The following ZNF469 variants were observed in gnomAD, a reference collection of about 807,000 sequenced individuals.
The protein encoded by ZNF469 is zinc finger protein 469.
In ZNF469, 1 loss-of-function variant was observed where a neutral mutation model predicts 1.0. The ratio of observed to expected loss-of-function variants is 1.00; its 90% CI spans 0.35 to 4.73. The LOEUF is 4.73. ZNF469 is among the 30% of genes most tolerant of loss of function. The pLI is 0.16. For missense variants in ZNF469, 6,100 were observed against 5,356.3 expected, an observed-to-expected ratio of 1.14 and a Z score of -4.33; for synonymous variants, 2,703 against 2,363.4, an observed-to-expected ratio of 1.14 and a Z score of -4.17.
chr16:88,185,776 ACT>A, the ZNF469 span, among the ~76,000 whole-genome samples: 1 of 137,836 alleles, frequency 7.3e-6, no homozygotes, highest in African/African-American at 2.8e-5. Context: ...ACATTCGCAC[ACT>A]CACACATGTG....
At chr16:88,230,298 G>C in the ZNF469 span, among the ~76,000 whole-genome samples, 1 of 152,272 alleles carries the variant, frequency 6.6e-6, no homozygotes, top group Non-Finnish European at 1.5e-5. Context: ...GCCGTCTGCT[G>C]TCTGCTTCAG....
the ZNF469 span, among the ~76,000 whole-genome samples, chr16:88,310,420 C>T: frequency 1.3e-4 from 13 of 100,584 alleles, no homozygotes; most frequent in Non-Finnish European, 3.3e-4. Context: ...TCACAAGTCA[C>T]ACATCTAACA....
the ZNF469 span, among the ~76,000 whole-genome samples, chr16:88,267,854 C>T: frequency 6.6e-6 from 1 of 152,174 alleles, no homozygotes; most frequent in African/African-American, 2.4e-5. Flanking sequence ...CACATAGATT[C>T]CTTGGGGTGG....
the ZNF469 span, among the ~76,000 whole-genome samples, chr16:88,296,070 G>C: frequency 6.6e-6 from 1 of 152,154 alleles, no homozygotes; most frequent in Admixed American, 6.5e-5. Flanking sequence ...GGGTGGAAGC[G>C]AGCCCGCCCG....
At chr16:88,151,419 G>A in the ZNF469 span, among the ~76,000 whole-genome samples, 1 of 152,232 alleles carries the variant, frequency 6.6e-6, no homozygotes, top group Non-Finnish European at 1.5e-5. The surrounding 1 kb of genome is among the most constrained non-coding windows in gnomAD (Gnocchi z 5.4). Flanking sequence ...GTTTCCCGAT[G>A]GAACGGCGGG....
At chr16:88,282,622 G>A in the ZNF469 span, among the ~76,000 whole-genome samples, 3 of 152,344 alleles carry the variant, frequency 2.0e-5, no homozygotes, top group South Asian at 6.2e-4. Context: ...CACAGCTGCA[G>A]AGACGTCGGA....
chr16:88,234,762 T>TA, the ZNF469 span: 5 of 152,234 alleles, frequency 3.3e-5, no homozygotes, highest in African/African-American at 1.2e-4. Context: ...GCACCGCCCG[T>TA]GTTTGTCTTT....
In ZNF469 at chr16:88,439,022, A is replaced by G; in HGVS notation, c.11552A>G (p.Gln3851Arg). Residue 3851 changes from glutamine to arginine, a missense_variant, in exon 3 of 3, where the codon CAG (glutamine) becomes CGG (arginine). Transcript: ENST00000565624. Reference protein sequence around the residue: ...PDKPPRTPRKQATPSRVLPTK... With the variant: ...PDKPPRTPRKRATPSRVLPTK... ...AAGCCCCCCCGGACCCCTCGGAAGCAGGCAACTCCCAGCCGCGTGCTCCCG... is the reference window on the plus strand; with the variant it reads ...AAGCCCCCCCGGACCCCTCGGAAGCGGGCAACTCCCAGCCGCGTGCTCCCG... The G allele has an allele frequency of 6.5e-7, 1 of 1,550,334 alleles. No homozygotes were observed. Among genetic ancestry groups the G allele is most frequent in the East Asian group, 2.4e-5 (1 of 40,900 alleles).
the ZNF469 span, among the ~76,000 whole-genome samples, chr16:88,126,515 C>T: frequency 6.9e-6 from 1 of 144,916 alleles, no homozygotes; most frequent in Non-Finnish European, 1.5e-5. Flanking sequence ...TTGAGTTTTG[C>T]CAAAGCCTTT....
chr16:88,330,653 C>T, the ZNF469 span, among the ~76,000 whole-genome samples: 1 of 152,182 alleles, frequency 6.6e-6, no homozygotes, highest in Non-Finnish European at 1.5e-5. Flanking sequence ...GCCCACACCC[C>T]TGCCTCAGTC....
At chr16:88,147,429 C>G in the ZNF469 span, among the ~76,000 whole-genome samples, 2 of 152,188 alleles carry the variant, frequency 1.3e-5, no homozygotes, top group East Asian at 3.9e-4. Context: ...ACACAGGAAG[C>G]TCTCGGGTGG....
At chr16:88,366,536 TCAC>T in the ZNF469 span, among the ~76,000 whole-genome samples, 74 of 110,222 alleles carry the variant, frequency 6.7e-4, no homozygotes, top group African/African-American at 1.9e-3. Flanking sequence ...ATCATCATCA[TCAC>T]CACCACCATC....
the ZNF469 span, chr16:88,302,596 G>T: frequency 6.6e-6 from 1 of 152,282 alleles, no homozygotes; most frequent in East Asian, 1.9e-4. Flanking sequence ...TGGTGGTGGA[G>T]ATACAGGGTC....
In ZNF469 at chr16:88,427,327, CCT is replaced by C. The variant is rs1309778590; in HGVS notation, c.-126-17_-126-16del. On this transcript the variant is annotated splice_polypyrimidine_tract_variant and intron_variant, in intron 2 of 2. Transcript: ENST00000565624. ...ACCCAGCCCCTCTGCCCCACTCACC[CCT>C]GACCTTTCCTTCCAGGCTCCACTCA... The C allele has an allele frequency of 1.1e-6, 1 of 910,276 alleles. No homozygotes were observed. Among genetic ancestry groups the C allele is most frequent in the Non-Finnish European group, 1.6e-6 (1 of 633,470 alleles). The allele number at this position is 910,276 out of a possible 1,614,324, so 56.4% of individuals were successfully genotyped here.
chr16:88,235,257 G>T, the ZNF469 span, among the ~76,000 whole-genome samples: 1 of 152,220 alleles, frequency 6.6e-6, no homozygotes, highest in African/African-American at 2.4e-5. Flanking sequence ...AGCCCTCCCT[G>T]CCCATGGAGC....
chr16:88,318,681 C>T, the ZNF469 span, among the ~76,000 whole-genome samples: 1 of 150,956 alleles, frequency 6.6e-6, no homozygotes, highest in Non-Finnish European at 1.5e-5. Flanking sequence ...GGGGAGAGGA[C>T]AGAGCTCAGC....
chr16:88,166,883 A>G, the ZNF469 span, among the ~76,000 whole-genome samples: 4 of 152,064 alleles, frequency 2.6e-5, no homozygotes, highest in African/African-American at 9.7e-5. This position sits in a 1 kb window ranked among gnomAD's most constrained non-coding sequence, Gnocchi z 4.5. Flanking sequence ...AGATAGCATT[A>G]TATCTGTAAA....
chr16:88,310,715 G>A, the ZNF469 span, among the ~76,000 whole-genome samples: 154 of 152,148 alleles, frequency 1.0e-3, no homozygotes, highest in Admixed American at 2.8e-3. Context: ...CCTGAGTAGG[G>A]ATTACAGGTG....
the ZNF469 span, among the ~76,000 whole-genome samples, chr16:88,311,121 T>C: frequency 6.6e-6 from 1 of 152,154 alleles, no homozygotes; most frequent in African/African-American, 2.4e-5. Flanking sequence ...CATCCCTCAA[T>C]TGGGATTGTC....
Sources: allele counts gnomAD v4.1 joint callset (sites outside exome capture counted in the v4.1 genomes callset), GRCh38; gene constraint gnomAD v4.1.1; non-coding constraint Gnocchi (gnomAD v3.1); transcripts MANE v1.5; gene names NCBI Gene and HGNC (gene_info 2026-07-23, HGNC 2026-07-21).